SLC39A8: variants seen among roughly 807,000 people sequenced by gnomAD.
SLC39A8 encodes the protein metal cation symporter ZIP8.
In SLC39A8, 15 loss-of-function variants were observed where a neutral mutation model predicts 40.4. The observed-to-expected ratio is 0.37, with a 90% CI of 0.25 to 0.57. The LOEUF (loss-of-function observed/expected upper bound fraction) is 0.57. SLC39A8 is among the 20% of genes least tolerant of loss of function. The probability of loss-of-function intolerance (pLI) is 0.75; values close to 1 mark genes in which losing one functional copy is unlikely to be tolerated. For synonymous variants in SLC39A8, 223 were observed against 221.6 expected (o/e 1.01, Z -0.06); for missense variants, 472 against 558.8 (o/e 0.84, Z 1.57).
chr4:102,269,396 A>C (rs964550843), intron 6 of SLC39A8, among the ~76,000 whole-genome samples: 1 of 152,228 alleles, frequency 6.6e-6, no homozygotes, highest in Non-Finnish European at 1.5e-5. Context: ...ATTTGGAGCA[A>C]ATATTTTTTT....
exon 12 of SLC39A8, chr4:102,252,097 AG>A (rs1731605664): frequency 6.6e-6 from 1 of 152,366 alleles, no homozygotes; most frequent in Admixed American, 6.5e-5. Context: ...AAGAGACTCC[AG>A]GCCCAAAAGA....
downstream of SLC39A8, among the ~76,000 whole-genome samples, chr4:102,259,695 T>C (rs1244885909): frequency 6.6e-6 from 1 of 152,220 alleles, no homozygotes. Flanking sequence ...TGATCTCTGG[T>C]TACTTAGTAG....
intron 6 of SLC39A8, 118 bp from the exon 7 acceptor site, chr4:102,268,197 G>C (rs1732192455): frequency 3.1e-6 from 3 of 979,622 alleles, no homozygotes; most frequent in Admixed American, 4.5e-5. Flanking sequence ...AAGTCTTTTA[G>C]AGTAACTAGG....
chr4:102,330,821 C>A (rs1735419813), intron 2 of SLC39A8, among the ~76,000 whole-genome samples: 4 of 152,182 alleles, frequency 2.6e-5, no homozygotes, highest in East Asian at 1.9e-4. Flanking sequence ...AAAAGCTTAT[C>A]CATTATGATC....
intron 6 of SLC39A8, among the ~76,000 whole-genome samples, chr4:102,297,916 C>G (rs1733749755): frequency 6.6e-6 from 1 of 151,624 alleles, no homozygotes; most frequent in African/African-American, 2.4e-5. Context: ...AGACCCTGTC[C>G]TAAAACAACA....
chr4:102,258,499 T>C (rs1425187107), downstream of SLC39A8, among the ~76,000 whole-genome samples: 1 of 152,146 alleles, frequency 6.6e-6, no homozygotes, highest in Non-Finnish European at 1.5e-5. Flanking sequence ...AAGTCAGTTA[T>C]TGAAAATGTC....
chr4:102,318,994 A>G (rs964829311), intron 2 of SLC39A8, among the ~76,000 whole-genome samples: 5 of 152,124 alleles, frequency 3.3e-5, no homozygotes, highest in African/African-American at 4.8e-5. Flanking sequence ...TTAAGCTCCT[A>G]TTCACTGGTC....
chr4:102,304,845 T>C (rs942687167), intron 5 of SLC39A8, 144 bp downstream of exon 5: 1 of 685,436 alleles, frequency 1.5e-6, no homozygotes, highest in Non-Finnish European at 2.3e-6. Flanking sequence ...TGTCAATATA[T>C]TGACTCTTTG....
chr4:102,273,015 TGG>T (rs1732441067), intron 6 of SLC39A8, among the ~76,000 whole-genome samples: 3 of 151,990 alleles, frequency 2.0e-5, no homozygotes, highest in African/African-American at 7.3e-5. Context: ...CAAAACTGGG[TGG>T]TTGTTTGGGC....
intron 6 of SLC39A8, among the ~76,000 whole-genome samples, chr4:102,299,921 G>C (rs2149030041): frequency 6.6e-6 from 1 of 152,064 alleles, no homozygotes; most frequent in South Asian, 2.1e-4. Flanking sequence ...GGGCTGGGGA[G>C]CCCCACCCGG....
In SLC39A8 at chr4:102,315,847, A is replaced by C. The variant is rs1278967946; in HGVS notation, c.220-17T>G. 6.9e-6 allele frequency: 9 copies of C among 1,295,946 alleles called. No homozygotes were observed. Among genetic ancestry groups the C allele is most frequent in the Admixed American group, 2.3e-5 (1 of 43,512 alleles). The allele number at this position is 1,295,946 out of a possible 1,614,324, so 80.3% of individuals were successfully genotyped here. A position where few individuals can be genotyped will look rare whatever the true frequency, so the allele number is the denominator to read the frequency against. On this transcript the variant is annotated splice_polypyrimidine_tract_variant and intron_variant, in intron 2 of 8. Coordinates refer to ENST00000356736, the MANE Select transcript of SLC39A8 (RefSeq NM_001135146.2). ...AGTTAAACACTGAAATAGAATAAAC[A>C]AAAAAAAAATGTGATAATAATGTGT...
At chr4:102,328,625 A>T (rs1016048652) in intron 2 of SLC39A8, among the ~76,000 whole-genome samples, 2 of 152,230 alleles carry the variant, frequency 1.3e-5, no homozygotes, top group African/African-American at 2.4e-5. Flanking sequence ...TATCGCCTAA[A>T]TGTCAGACAT....
intron 8 of SLC39A8, 85 bp from the exon 9 acceptor site, chr4:102,263,278 A>T: frequency 8.2e-7 from 1 of 1,218,110 alleles, no homozygotes; most frequent in Non-Finnish European, 1.2e-6. Flanking sequence ...CCTTGGAGAC[A>T]GTGTGGGTTT....
In SLC39A8 at chr4:102,344,417, A is replaced by G. The variant is rs766450118; in HGVS notation, c.219+27T>C. On this transcript the variant is annotated intron_variant, in intron 2 of 8. Transcript: ENST00000356736. ...AAGTCTAGGGACACCCACAGTACGG[A>G]GGGCTGCCCGGACCTGGCGGCCTTA... 21 of 1,482,344 alleles carry G rather than the reference A, an allele frequency of 1.4e-5. No homozygotes were observed. In the Middle Eastern group the frequency reaches 5.2e-4, roughly 37 times the overall value. The allele number at this position is 1,482,344 out of a possible 1,614,324, so 91.8% of individuals were successfully genotyped here.
intron 4 of SLC39A8, among the ~76,000 whole-genome samples, chr4:102,305,453 T>G (rs1734128100): frequency 6.6e-6 from 1 of 151,982 alleles, no homozygotes; most frequent in African/African-American, 2.4e-5. Context: ...TAGAATACGA[T>G]ATTAGGTCTA....
chr4:102,258,097 G>GTTTTTTTT (rs1270948341), downstream of SLC39A8, among the ~76,000 whole-genome samples: 3 of 136,658 alleles, frequency 2.2e-5, no homozygotes, highest in African/African-American at 1.1e-4. Context: ...GTAAGTAAGT[G>GTTTTTTTT]TTTTTTGTTT....
rs1188662347 is a variant in SLC39A8, at chr4:102,344,628, A to C, written c.35T>G (p.Leu12Trp). Residue 12 changes from leucine (L) to tryptophan (W), a missense_variant, in exon 2 of 9, where the codon TTG becomes TGG. Leu to Trp is a moderately conservative substitution (Grantham distance 61). Around this residue, in one of 4 missense-constraint regions of SLC39A8, gnomAD observed 175 missense variants for 160.5 expected, o/e 1.09. Coordinates refer to ENST00000356736, the MANE Select transcript of SLC39A8 (RefSeq NM_001135146.2). ...TCCTCCGAGGCCGGCGGCCGCCAGC[A>C]ACAGGAGCCCGGCCACCGCGCGACC... ...APGRAVAGLL[L>W]LAAAGLGGVA... is the part of the protein sequence containing the mutation. 6.5e-7 allele frequency: 1 copy of C among 1,539,542 alleles called. No individual in the cohort carries two copies. The highest frequency in any genetic ancestry group is 2.0e-5 in the Admixed American group (1 of 50,154).
At chr4:102,271,180 C>T (rs1732348280) in intron 6 of SLC39A8, among the ~76,000 whole-genome samples, 2 of 151,842 alleles carry the variant, frequency 1.3e-5, no homozygotes, top group African/African-American at 4.8e-5. Flanking sequence ...AACGAGCAAG[C>T]ATGAGTAAGA....
rs1450746963 is a variant in SLC39A8, at chr4:102,261,990, A to T, written c.*1054T>A. 1 of 985,688 alleles carries T rather than the reference A, an allele frequency of 1.0e-6. No homozygotes were observed. The highest frequency in any genetic ancestry group is 1.2e-6 in the Non-Finnish European group (1 of 829,890). 61.1% of individuals were successfully genotyped at this position (985,688 alleles called of 1,614,324 possible). A position where few individuals can be genotyped will look rare whatever the true frequency, so the allele number is the denominator to read the frequency against. On this transcript the variant is annotated 3_prime_UTR_variant, in exon 9 of 9. Coordinates refer to ENST00000356736, the MANE Select transcript of SLC39A8 (RefSeq NM_001135146.2). ...GTAGAAAAATAACCATGGTGTGCTA[A>T]TTTTTTTCAAGGTATACCATATGGA...
Sources: gnomAD v4.1 joint callset for allele counts (sites outside exome capture counted in the v4.1 genomes callset) on GRCh38, gnomAD v4.1.1 for gene constraint, gnomAD v4.1.1 regional missense constraint, MANE v1.5 for transcripts, NCBI Gene and HGNC (gene_info 2026-07-23, HGNC 2026-07-21) for gene names.